FBXO36: variants seen among roughly 807,000 people sequenced by gnomAD.
FBXO36 encodes F-box only protein 36.
FBXO36 carries 18 observed loss-of-function variants against 17.0 expected under a neutral mutation model. That is an observed-to-expected ratio of 1.06 (90% CI 0.73 to 1.57). The LOEUF (loss-of-function observed/expected upper bound fraction) is 1.57, where lower values mean the gene tolerates loss of function less well. Ranked by LOEUF, FBXO36 falls within the 40% of genes most tolerant of loss-of-function variation. The pLI is 0.00. For synonymous variants in FBXO36, 83 were observed against 85.3 expected, an observed-to-expected ratio of 0.97 and a Z score of 0.15; for missense variants, 229 against 221.9, an observed-to-expected ratio of 1.03 and a Z score of -0.20.
At chr2:229,985,431 G>C (rs186352486) in intron 2 of FBXO36, among the ~76,000 whole-genome samples, 15 of 151,998 alleles carry the variant, frequency 9.9e-5, no homozygotes, top group African/African-American at 3.4e-4. Flanking sequence ...AGACTTATAC[G>C]TCAGCCTTTA....
At chr2:229,967,354 T>C (rs1323747742) in intron 1 of FBXO36, among the ~76,000 whole-genome samples, 2 of 152,324 alleles carry the variant, frequency 1.3e-5, no homozygotes, top group East Asian at 3.9e-4. Context: ...CTTTCCCTAA[T>C]TGAATACACT....
At chr2:229,939,218 C>T (rs2106160629) in intron 1 of FBXO36, 1 of 985,054 alleles carries the variant, frequency 1.0e-6, no homozygotes, top group African/African-American at 1.7e-5. Context: ...CGCGCCCGGC[C>T]CAACAGATAC....
At chr2:229,928,136 T>C (rs2076922167) in intron 1 of FBXO36, among the ~76,000 whole-genome samples, 1 of 152,220 alleles carries the variant, frequency 6.6e-6, no homozygotes, top group Admixed American at 6.5e-5. Flanking sequence ...AAGTCAATAA[T>C]TGTAAAAACA....
intron 2 of FBXO36, among the ~76,000 whole-genome samples, chr2:229,988,416 T>C (rs2077280107): frequency 6.6e-6 from 1 of 152,244 alleles, no homozygotes; most frequent in South Asian, 2.1e-4. Flanking sequence ...TACCCGTTTT[T>C]TACACAAATA....
Position 229,922,559 on chromosome 2 carries a change from G to A in FBXO36, c.46G>A (p.Gly16Ser). 6 of 1,614,098 alleles carry A rather than the reference G, an allele frequency of 3.7e-6. No homozygotes were observed. Among genetic ancestry groups the A allele is most frequent in the Non-Finnish European group, 5.1e-6 (6 of 1,180,006 alleles). The change falls in exon 1 of 4, where the codon GGC becomes AGC. Residue 16 changes from glycine to serine, a missense_variant. Coordinates refer to ENST00000283946, the MANE Select transcript of FBXO36 (RefSeq NM_174899.5). The stretch of plus-strand genomic sequence containing the variant: ...GACTCTCTTTGAAACTGTAGGACAA[G>A]GCCCGCCGCCTAGCAAAGACTATTA... ...PETLFETVGQ[G>S]PPPSKDYYQL... is the part of the protein sequence containing the mutation.
At chr2:229,939,654 G>A (rs752400590) in intron 1 of FBXO36, among the ~76,000 whole-genome samples, 1 of 152,068 alleles carries the variant, frequency 6.6e-6, no homozygotes, top group African/African-American at 2.4e-5. Flanking sequence ...TGGAAAAGTC[G>A]TTTCCACATT....
intron 1 of FBXO36, among the ~76,000 whole-genome samples, chr2:229,931,411 G>C (rs991262175): frequency 6.6e-6 from 1 of 152,102 alleles, no homozygotes; most frequent in Non-Finnish European, 1.5e-5. Flanking sequence ...ACTGAGTCAC[G>C]GATCCTTTCA....
At position 229,969,763 on chromosome 2, in the gene FBXO36, C is replaced by T. The variant is rs532003196; in HGVS notation, c.97-6478C>T. ...TTAAAAACTTTTGCTCTGTGAAGAC[C>T]CTGCTAAGAGATGGAACAGAATAGC... On this transcript the variant is annotated intron_variant, in intron 1 of 3. Transcript: ENST00000283946. Among the ~76,000 whole-genome samples, 52 of 151,988 alleles carry T rather than the reference C, an allele frequency of 3.4e-4. 2 individuals carry two copies. The South Asian group carries it at 0.01, about 30-fold the overall frequency.
At chr2:229,947,504 G>A (rs1403879369) in intron 1 of FBXO36, among the ~76,000 whole-genome samples, 3 of 152,308 alleles carry the variant, frequency 2.0e-5, no homozygotes, top group East Asian at 1.9e-4. Flanking sequence ...GGGCCATGGG[G>A]AAGAAAAAGG....
chr2:229,961,763 A>G (rs1284399015), intron 1 of FBXO36, among the ~76,000 whole-genome samples: 1 of 152,166 alleles, frequency 6.6e-6, no homozygotes, highest in Non-Finnish European at 1.5e-5. Flanking sequence ...AGGTTTACAT[A>G]TTCATTTGGG....
At chr2:229,987,729 T>C (rs1457292083) in intron 2 of FBXO36, among the ~76,000 whole-genome samples, 1 of 152,008 alleles carries the variant, frequency 6.6e-6, no homozygotes, top group Non-Finnish European at 1.5e-5. Context: ...CTCCTGGGCT[T>C]AAGTGATCCT....
chr2:230,001,484 C>T (rs1177648607), intron 3 of FBXO36, among the ~76,000 whole-genome samples: 2 of 152,048 alleles, frequency 1.3e-5, no homozygotes, highest in African/African-American at 2.4e-5. Context: ...CACGGGGTTT[C>T]GCCATGTTGT....
intron 1 of FBXO36, among the ~76,000 whole-genome samples, chr2:229,933,425 G>C (rs1169902155): frequency 6.6e-6 from 1 of 152,144 alleles, no homozygotes; most frequent in African/African-American, 2.4e-5. Context: ...CACAAAGATT[G>C]TGCGTTAGTA....
chr2:229,968,296 A>G (rs1194719631), intron 1 of FBXO36, among the ~76,000 whole-genome samples: 3 of 152,184 alleles, frequency 2.0e-5, no homozygotes, highest in Non-Finnish European at 4.4e-5. Flanking sequence ...ATTATAAATC[A>G]AATAATTTTG....
chr2:229,999,307 A>G (rs1289050175), intron 3 of FBXO36, among the ~76,000 whole-genome samples: 2 of 150,262 alleles, frequency 1.3e-5, no homozygotes, highest in African/African-American at 4.9e-5. Flanking sequence ...TTATATTTTT[A>G]GTACAGACGG....
intron 2 of FBXO36, among the ~76,000 whole-genome samples, chr2:229,981,447 C>T (rs1212856870): frequency 1.3e-5 from 2 of 151,596 alleles, no homozygotes; most frequent in Non-Finnish European, 2.9e-5. Flanking sequence ...AGCACGATCA[C>T]GCTCACTGCA....
chr2:229,935,102 G>A (rs1343490785), intron 1 of FBXO36, among the ~76,000 whole-genome samples: 1 of 152,156 alleles, frequency 6.6e-6, no homozygotes, highest in African/African-American at 2.4e-5. Context: ...TCCACAATCT[G>A]GATGAACATG....
At chr2:229,992,348 A>T (rs2077302145) in intron 2 of FBXO36, among the ~76,000 whole-genome samples, 1 of 151,860 alleles carries the variant, frequency 6.6e-6, no homozygotes, top group Admixed American at 6.6e-5. Context: ...AGTAGAGATG[A>T]TGTTTCACCA....
chr2:229,997,819 C>T (rs945246693), intron 3 of FBXO36, among the ~76,000 whole-genome samples: 2 of 152,184 alleles, frequency 1.3e-5, no homozygotes, highest in Non-Finnish European at 2.9e-5. Flanking sequence ...GTGCTGATTT[C>T]AGCCATTGTC....
Sources: allele counts gnomAD v4.1 joint callset (sites outside exome capture counted in the v4.1 genomes callset), GRCh38; gene constraint gnomAD v4.1.1; transcripts MANE v1.5; gene names NCBI Gene and HGNC (gene_info 2026-07-23, HGNC 2026-07-21).